PPP1R9A: variants seen among roughly 807,000 people sequenced by gnomAD.
PPP1R9A encodes the protein neurabin-1.
PPP1R9A carries 59 observed loss-of-function variants against 141.9 expected under a neutral mutation model. The ratio of observed to expected loss-of-function variants is 0.42; its 90% CI spans 0.34 to 0.52. The LOEUF (loss-of-function observed/expected upper bound fraction) is 0.52, where lower values mean the gene tolerates loss of function less well. PPP1R9A is among the 20% of genes least tolerant of loss of function. The pLI is 0.10. For missense variants in PPP1R9A, 1,444 were observed against 1,611.9 expected (o/e 0.90, Z 1.78); for synonymous variants, 500 against 569.7 (o/e 0.88, Z 1.74).
chr7:95,258,335 A>C (rs537597064), intron 12 of PPP1R9A, among the ~76,000 whole-genome samples: 1 of 152,234 alleles, frequency 6.6e-6, no homozygotes, highest in South Asian at 2.1e-4. Flanking sequence ...GTGTCTGTTC[A>C]TATCCTTCGC....
intron 2 of PPP1R9A, among the ~76,000 whole-genome samples, chr7:95,090,306 G>A (rs1445885206): frequency 6.6e-6 from 1 of 151,686 alleles, no homozygotes; most frequent in Non-Finnish European, 1.5e-5. Context: ...TTGTATCATA[G>A]TCTCATCATT....
chr7:95,050,148 C>A (rs557622557), intron 2 of PPP1R9A, among the ~76,000 whole-genome samples: 3 of 152,094 alleles, frequency 2.0e-5, no homozygotes, highest in Non-Finnish European at 4.4e-5. Flanking sequence ...TAGCAGCATT[C>A]GGTATTGTTA....
chr7:95,010,507 T>G (rs1267172303), intron 2 of PPP1R9A, among the ~76,000 whole-genome samples: 6 of 152,212 alleles, frequency 3.9e-5, no homozygotes, highest in African/African-American at 1.2e-4. Flanking sequence ...TGCTTTTAAA[T>G]TAAAGGAAAT....
intron 12 of PPP1R9A, among the ~76,000 whole-genome samples, chr7:95,254,947 A>G (rs1799375064): frequency 6.6e-6 from 1 of 152,180 alleles, no homozygotes; most frequent in Non-Finnish European, 1.5e-5. Context: ...GATAACAATC[A>G]TCAGTACAAA....
At chr7:95,186,632 A>G (rs568468920) in intron 5 of PPP1R9A, among the ~76,000 whole-genome samples, 1 of 152,104 alleles carries the variant, frequency 6.6e-6, no homozygotes, top group Non-Finnish European at 1.5e-5. Flanking sequence ...TTCCCCATTC[A>G]GTGTAATGTT....
chr7:95,119,398 ATAT>A (rs1160015329), intron 3 of PPP1R9A, among the ~76,000 whole-genome samples: 1 of 152,246 alleles, frequency 6.6e-6, no homozygotes, highest in Non-Finnish European at 1.5e-5. Flanking sequence ...TCACCATGAA[ATAT>A]TATTCAGTCA....
At chr7:95,149,643 ATGAAATAC>A (rs1410261640) in intron 4 of PPP1R9A, among the ~76,000 whole-genome samples, 7 of 151,930 alleles carry the variant, frequency 4.6e-5, no homozygotes, top group African/African-American at 1.7e-4. Context: ...ACCCCTAAAA[ATGAAATAC>A]TTAGGTATAA....
At chr7:95,136,472 A>G (rs527614243) in intron 4 of PPP1R9A, among the ~76,000 whole-genome samples, 2 of 152,324 alleles carry the variant, frequency 1.3e-5, no homozygotes, top group Admixed American at 1.3e-4. Context: ...GTATATAAAC[A>G]TGCACAAAGA....
rs561415350 is a variant in PPP1R9A, at chr7:95,105,490, G to A, written c.1396-5769G>A. Among the ~76,000 whole-genome samples the A allele has an allele frequency of 3.3e-5, 5 of 152,284 alleles. No individual in the cohort carries two copies. The East Asian group carries it at 7.7e-4, about 24-fold the overall frequency. ...TCACTTATTGGCTCTGAAACAAGAA[G>A]TCTTAAATTTAAACATCTTTTGTTT... On this transcript the variant is annotated intron_variant, in intron 2 of 19. Coordinates refer to ENST00000433360, the MANE Select transcript of PPP1R9A (RefSeq NM_001166160.2).
chr7:94,977,865 C>T (rs768970593), intron 2 of PPP1R9A, among the ~76,000 whole-genome samples: 3 of 151,320 alleles, frequency 2.0e-5, no homozygotes, highest in African/African-American at 4.9e-5. Context: ...CAGGTTCAAG[C>T]GATTCTTCTG....
chr7:95,147,393 G>A (rs1272010736), intron 4 of PPP1R9A, among the ~76,000 whole-genome samples: 2 of 152,120 alleles, frequency 1.3e-5, no homozygotes, highest in Non-Finnish European at 2.9e-5. Context: ...AGGAGTTTTT[G>A]GACTGAGATG....
rs565331782 is a variant in PPP1R9A, at chr7:94,970,632, CT to C, written c.1395+59145del. 2.0e-3 allele frequency among the ~76,000 whole-genome samples: 252 copies of C among 127,716 alleles called. 2 individuals are homozygous for C. In the Middle Eastern group the frequency reaches 0.02, roughly 10 times the overall value. The allele number at this position is 127,716 out of a possible 152,430, so 83.8% of individuals were successfully genotyped here. ...CCTATTTGACCATCTTGCCAGCCAC[CT>C]TTTTTTTTTTTTTTTTTTTTGAGAT... On this transcript the variant is annotated intron_variant, in intron 2 of 19. Coordinates refer to ENST00000433360, the MANE Select transcript of PPP1R9A (RefSeq NM_001166160.2).
chr7:94,938,108 A>G (rs974780992), intron 2 of PPP1R9A, among the ~76,000 whole-genome samples: 1 of 152,112 alleles, frequency 6.6e-6, no homozygotes, highest in African/African-American at 2.4e-5. Flanking sequence ...CCTGTTAGAT[A>G]CTGGGCTGCA....
At chr7:95,225,237 A>G (rs1325776096) in intron 7 of PPP1R9A, among the ~76,000 whole-genome samples, 1 of 152,138 alleles carries the variant, frequency 6.6e-6, no homozygotes, top group African/African-American at 2.4e-5. Context: ...AACCACTACT[A>G]ACTGGCCAAT....
chr7:94,943,052 A>G (rs1220221180), intron 2 of PPP1R9A, among the ~76,000 whole-genome samples: 1 of 152,110 alleles, frequency 6.6e-6, no homozygotes, highest in Non-Finnish European at 1.5e-5. Context: ...TCATTTCATC[A>G]TTCATGGACT....
chr7:95,109,572 A>G (rs1304904851), intron 2 of PPP1R9A, among the ~76,000 whole-genome samples: 1 of 152,214 alleles, frequency 6.6e-6, no homozygotes, highest in Non-Finnish European at 1.5e-5. Context: ...CAGGCATAGT[A>G]GCTTAAGCTG....
intron 4 of PPP1R9A, among the ~76,000 whole-genome samples, chr7:95,123,338 T>C (rs1822969622): frequency 6.6e-6 from 1 of 152,112 alleles, no homozygotes; most frequent in Non-Finnish European, 1.5e-5. Flanking sequence ...AATAAATGCC[T>C]CAGTGAATAT....
At chr7:95,100,527 C>T (rs144982109) in intron 2 of PPP1R9A, among the ~76,000 whole-genome samples, 12 of 152,274 alleles carry the variant, frequency 7.9e-5, no homozygotes, top group Admixed American at 2.6e-4. Context: ...ATTTTGCTCA[C>T]GCCTTCTTTT....
chr7:95,097,042 ATTTTTTTCCT>A (rs1179795207), intron 2 of PPP1R9A, among the ~76,000 whole-genome samples: 1 of 151,130 alleles, frequency 6.6e-6, no homozygotes, highest in African/African-American at 2.4e-5. Context: ...TAAAGTTTTT[ATTTTTTTCCT>A]TTTTTTTCCT....
Sources: allele counts gnomAD v4.1 joint callset (sites outside exome capture counted in the v4.1 genomes callset), GRCh38; gene constraint gnomAD v4.1.1; transcripts MANE v1.5; gene names NCBI Gene and HGNC (gene_info 2026-07-23, HGNC 2026-07-21).